SIM1: variants seen among roughly 807,000 people sequenced by gnomAD.
SIM1 encodes single-minded homolog 1.
Under a neutral mutation model 78.2 loss-of-function variants are expected in SIM1, and 18 were observed. The observed-to-expected ratio is 0.23, with a 90% CI of 0.16 to 0.34. SIM1 has a LOEUF of 0.34. Ranked by LOEUF, SIM1 falls within the 10% of genes least tolerant of loss-of-function variation. SIM1 has a pLI of 1.00. For missense variants in SIM1, 939 were observed against 975.1 expected, an observed-to-expected ratio of 0.96 and a Z score of 0.49; for synonymous variants, 417 against 385.2, an observed-to-expected ratio of 1.08 and a Z score of -0.97.
At chr6:100,430,062 T>A (rs1418739532) in intron 9 of SIM1, among the ~76,000 whole-genome samples, 1 of 152,148 alleles carries the variant, frequency 6.6e-6, no homozygotes, top group Non-Finnish European at 1.5e-5. Context: ...TAATTTAAAT[T>A]ATTACCATAA....
chr6:100,403,621 A>C (rs943907132), intron 10 of SIM1, among the ~76,000 whole-genome samples: 2 of 152,220 alleles, frequency 1.3e-5, no homozygotes, highest in South Asian at 2.1e-4. Flanking sequence ...TAGAGGGAAA[A>C]ACAAAATAGG....
intron 9 of SIM1, among the ~76,000 whole-genome samples, chr6:100,430,860 G>A (rs1296873572): frequency 1.3e-5 from 2 of 152,062 alleles, no homozygotes; most frequent in Admixed American, 6.5e-5. Flanking sequence ...GGTGAAGGGA[G>A]CATACCTCCT....
At chr6:100,423,502 C>A (rs936326905) in intron 9 of SIM1, among the ~76,000 whole-genome samples, 1 of 152,244 alleles carries the variant, frequency 6.6e-6, no homozygotes, top group East Asian at 1.9e-4. Context: ...CAAGAACTAT[C>A]CTTTTCCACC....
intron 9 of SIM1, among the ~76,000 whole-genome samples, chr6:100,434,091 C>T (rs1026328606): frequency 6.6e-6 from 1 of 152,206 alleles, no homozygotes; most frequent in African/African-American, 2.4e-5. Flanking sequence ...TGTAAAGTGC[C>T]ATGTAACGTC....
At chr6:100,398,301 T>C (rs1169004305) in intron 10 of SIM1, among the ~76,000 whole-genome samples, 1 of 152,100 alleles carries the variant, frequency 6.6e-6, no homozygotes, top group Non-Finnish European at 1.5e-5. Flanking sequence ...TTTACTATTA[T>C]CCAGTTTTAA....
At chr6:100,440,244 G>A (rs1562251536) in intron 9 of SIM1, among the ~76,000 whole-genome samples, 1 of 152,136 alleles carries the variant, frequency 6.6e-6, no homozygotes, top group Non-Finnish European at 1.5e-5. Flanking sequence ...CACATATGGG[G>A]CAACAGAGGG....
chr6:100,410,261 A>G (rs547845711), intron 10 of SIM1, among the ~76,000 whole-genome samples: 3 of 152,184 alleles, frequency 2.0e-5, no homozygotes, highest in Non-Finnish European at 4.4e-5. Context: ...AAATTTCCCT[A>G]GATACGTTTT....
chr6:100,405,928 G>A (rs1771041120), intron 10 of SIM1, among the ~76,000 whole-genome samples: 1 of 152,180 alleles, frequency 6.6e-6, no homozygotes, highest in African/African-American at 2.4e-5. Flanking sequence ...CATATGGAGA[G>A]AGTCGTTCCC....
chr6:100,463,254 C>A (rs1221792153), intron 2 of SIM1, 40 bp downstream of exon 2: 1 of 1,561,504 alleles, frequency 6.4e-7, no homozygotes, highest in Non-Finnish European at 8.8e-7. Context: ...ATCCCCGGCC[C>A]CTTCTGCCTT....
At position 100,420,941 on chromosome 6, in the gene SIM1, C is replaced by T. The variant is rs1771563399; in HGVS notation, c.1016G>A (p.Gly339Glu). Reference protein sequence around the residue: ...NYVLTDTEYKGLQLSLDQISA... With the variant: ...NYVLTDTEYKELQLSLDQISA... ...GATCTGATCCAGGGAGAGCTGCAGCCCTTTGTATTCTGTGTCTCTGCAGGG... is the reference window on the plus strand; with the variant it reads ...GATCTGATCCAGGGAGAGCTGCAGCTCTTTGTATTCTGTGTCTCTGCAGGG... Residue 339 changes from glycine (G) to glutamate (E), a missense_variant, in exon 10 of 12, where the codon GGG becomes GAG. Transcript: ENST00000369208. The T allele has an allele frequency of 6.2e-7, 1 of 1,613,400 alleles. No individual in the cohort carries two copies. The highest frequency in any genetic ancestry group is 8.5e-7 in the Non-Finnish European group (1 of 1,179,788).
intron 9 of SIM1, among the ~76,000 whole-genome samples, chr6:100,425,815 G>A (rs575411086): frequency 6.4e-4 from 98 of 152,242 alleles, no homozygotes; most frequent in Non-Finnish European, 1.1e-3. Flanking sequence ...ATGCTCAGTA[G>A]AATCATGTAT....
At chr6:100,435,863 G>A (rs574433209) in intron 9 of SIM1, among the ~76,000 whole-genome samples, 10 of 152,078 alleles carry the variant, frequency 6.6e-5, no homozygotes, top group Non-Finnish European at 1.5e-4. Flanking sequence ...CAACACAACT[G>A]CTCCCTCTCC....
chr6:100,448,389 A>G, intron 7 of SIM1, 90 bp downstream of exon 7: 1 of 1,447,152 alleles, frequency 6.9e-7, no homozygotes, highest in Non-Finnish European at 9.5e-7. Context: ...CATGTGCAAA[A>G]TGGGCTCATA....
intron 9 of SIM1, among the ~76,000 whole-genome samples, chr6:100,446,256 C>T (rs952585438): frequency 1.3e-5 from 2 of 152,160 alleles, no homozygotes; most frequent in African/African-American, 4.8e-5. Flanking sequence ...GTCCTTATCA[C>T]CTATAGTATA....
rs761861130 is a variant in SIM1 at position 100,396,875 on chromosome 6, G to A, written c.1168-2986C>T. ...GCCAGCCAATATATGTAGTGTGTGCGGTGCAATGAATGAATGCTGCATAAA... is the reference window on the plus strand; with the variant it reads ...GCCAGCCAATATATGTAGTGTGTGCAGTGCAATGAATGAATGCTGCATAAA... On this transcript the variant is annotated intron_variant, in intron 10 of 11. Coordinates refer to ENST00000369208, the MANE Select transcript of SIM1 (RefSeq NM_005068.3). Among the ~76,000 whole-genome samples the A allele has an allele frequency of 4.6e-5, 7 of 152,248 alleles. No individual in the cohort carries two copies. The South Asian group carries it at 6.2e-4, about 14-fold the overall frequency.
At chr6:100,435,221 C>A (rs1772013284) in intron 9 of SIM1, among the ~76,000 whole-genome samples, 1 of 152,018 alleles carries the variant, frequency 6.6e-6, no homozygotes. Flanking sequence ...ATAGACCATG[C>A]AAAATATTGG....
Position 100,390,449 on chromosome 6 carries a change from T to G in SIM1, c.2213A>C (p.His738Pro). ...RNYSLGCNGS[H>P]FDVTSHLRMQ... Reference sequence around the variant, plus strand: ...CCTCAGATGGGAAGTTACATCAAAGTGTGAGCCATTACAGCCCAAGGAATA... The same window carrying G: ...CCTCAGATGGGAAGTTACATCAAAGGGTGAGCCATTACAGCCCAAGGAATA... Residue 738 changes from histidine (H) to proline (P), a missense_variant, in exon 12 of 12, where the codon CAC (histidine) becomes CCC (proline). Physicochemically the swap from His to Pro is moderately conservative, Grantham distance 77. Coordinates refer to ENST00000369208, the MANE Select transcript of SIM1 (RefSeq NM_005068.3). The G allele has an allele frequency of 1.2e-6, 2 of 1,614,150 alleles. No homozygotes were observed. Among genetic ancestry groups the G allele is most frequent in the Non-Finnish European group, 1.7e-6 (2 of 1,180,022 alleles).
Position 100,463,371 on chromosome 6 carries a change from A to T in SIM1, c.98T>A (p.Ile33Asn). ...GGATGCTTTGTCCAGCTGCGAGGTG[A>T]TAGCCGAGGGCAAAGGCAGTAATTT... ...LAKLLPLPSA[I>N]TSQLDKASII... is the part of the protein sequence containing the mutation. Residue 33 changes from isoleucine (I) to asparagine (N), a missense_variant, in exon 2 of 12, where the codon ATC (isoleucine) becomes AAC (asparagine). Around this residue, in one of 5 missense-constraint regions of SIM1, gnomAD observed 121 missense variants for 124.6 expected, o/e 0.97. Transcript: ENST00000369208. 1 of 1,614,076 alleles carries T rather than the reference A, an allele frequency of 6.2e-7. No individual in the cohort carries two copies. The highest frequency in any genetic ancestry group is 1.1e-5 in the South Asian group (1 of 91,076).
chr6:100,420,645 ATAGTT>A (rs1423749035), intron 10 of SIM1, 140 bp downstream of exon 10: 4 of 751,892 alleles, frequency 5.3e-6, no homozygotes, highest in Non-Finnish European at 8.7e-6. Context: ...AAGGAGGCAG[ATAGTT>A]TAGAGAACCT....
Sources: gnomAD v4.1 joint callset for allele counts (sites outside exome capture counted in the v4.1 genomes callset) on GRCh38, gnomAD v4.1.1 for gene constraint, gnomAD v4.1.1 regional missense constraint, MANE v1.5 for transcripts, NCBI Gene and HGNC (gene_info 2026-07-23, HGNC 2026-07-21) for gene names.